The following CSMD1 variants were observed in gnomAD, a reference collection of about 807,000 sequenced individuals.
CSMD1 encodes the protein CUB and sushi domain-containing protein 1.
Under a neutral mutation model 417.5 loss-of-function variants are expected in CSMD1, and 213 were observed. That is an observed-to-expected ratio of 0.51 (90% CI 0.46 to 0.57). The LOEUF (loss-of-function observed/expected upper bound fraction) is 0.57. Among genes scored for constraint, CSMD1 ranks in the 20% least tolerant of loss-of-function variants. The pLI is 0.00. For missense variants in CSMD1, 6,923 were observed against 4,529.7 expected (o/e 1.53, Z -15.17); for synonymous variants, 2,862 against 1,736.8 (o/e 1.65, Z -16.11).
chr8:3,399,147 C>A (rs575530249), intron 16 of CSMD1, among the ~76,000 whole-genome samples: 3 of 152,232 alleles, frequency 2.0e-5, no homozygotes, highest in Non-Finnish European at 2.9e-5. Flanking sequence ...GGTCGGACCT[C>A]GGGAATGGTC....
intron 1 of CSMD1, among the ~76,000 whole-genome samples, chr8:4,722,208 T>C (rs1809104345): frequency 6.6e-6 from 1 of 152,160 alleles, no homozygotes; most frequent in Non-Finnish European, 1.5e-5. Context: ...ATTAAATATA[T>C]TAAATATATT....
intron 54 of CSMD1, among the ~76,000 whole-genome samples, chr8:2,997,355 C>T (rs555295658): frequency 3.9e-5 from 6 of 152,186 alleles, no homozygotes; most frequent in Non-Finnish European, 8.8e-5. Flanking sequence ...AGATAGCTCC[C>T]GTGGGAGCCC....
chr8:3,480,518 T>C (rs764999733), intron 11 of CSMD1, among the ~76,000 whole-genome samples: 2 of 152,168 alleles, frequency 1.3e-5, no homozygotes, highest in Non-Finnish European at 2.9e-5. Context: ...GTTGAAATTA[T>C]TTAAAAAAAT....
chr8:3,725,422 C>G (rs143291183), intron 6 of CSMD1, among the ~76,000 whole-genome samples: 1 of 152,226 alleles, frequency 6.6e-6, no homozygotes, highest in Non-Finnish European at 1.5e-5. Context: ...TAAAAGGAAG[C>G]AGAGATTTGG....
At chr8:3,166,247 T>G (rs932777870) in intron 37 of CSMD1, among the ~76,000 whole-genome samples, 4 of 152,156 alleles carry the variant, frequency 2.6e-5, no homozygotes. Flanking sequence ...TCATGTCTGT[T>G]AGGCTGGGCA....
intron 2 of CSMD1, among the ~76,000 whole-genome samples, chr8:4,621,290 G>T (rs1053348586): frequency 4.9e-4 from 75 of 152,030 alleles, no homozygotes; most frequent in African/African-American, 1.8e-3. Flanking sequence ...ATATTTTAAA[G>T]TATATATGCA....
At chr8:4,817,135 C>A (rs954427187) in intron 1 of CSMD1, among the ~76,000 whole-genome samples, 55 of 152,154 alleles carry the variant, frequency 3.6e-4, no homozygotes, top group African/African-American at 1.3e-3. Flanking sequence ...AAATACATAT[C>A]ATAATATTTA....
chr8:3,808,660 T>C (rs1386446088), intron 5 of CSMD1, among the ~76,000 whole-genome samples: 1 of 152,054 alleles, frequency 6.6e-6, no homozygotes, highest in African/African-American at 2.4e-5. Context: ...GGGACTTAGG[T>C]CTTGTTTGTA....
chr8:3,418,881 G>A (rs73657886), intron 12 of CSMD1, among the ~76,000 whole-genome samples: 2,860 of 152,190 alleles, frequency 0.019, 56 homozygotes, highest in East Asian at 0.096. Flanking sequence ...CATAGAAAAC[G>A]AATACAACAG....
chr8:4,471,904 T>C (rs1395356828), intron 2 of CSMD1, among the ~76,000 whole-genome samples: 1 of 152,084 alleles, frequency 6.6e-6, no homozygotes, highest in South Asian at 2.1e-4. Flanking sequence ...TACAAAGGTG[T>C]TTCCAATGAT....
chr8:3,100,206 C>A (rs1190173122), intron 46 of CSMD1, among the ~76,000 whole-genome samples: 1 of 152,074 alleles, frequency 6.6e-6, no homozygotes, highest in African/African-American at 2.4e-5. Flanking sequence ...CGCACACCAC[C>A]CCTCCTGGCT....
At chr8:4,339,657 A>G (rs889130270) in intron 3 of CSMD1, among the ~76,000 whole-genome samples, 2 of 152,144 alleles carry the variant, frequency 1.3e-5, no homozygotes, top group African/African-American at 2.4e-5. Context: ...AGATGATTCA[A>G]TATGTTATGT....
At chr8:3,442,367 C>G (rs1358159327) in intron 12 of CSMD1, among the ~76,000 whole-genome samples, 3 of 152,190 alleles carry the variant, frequency 2.0e-5, no homozygotes, top group East Asian at 3.9e-4. Context: ...CACTCACTCA[C>G]TGACTCACCC....
At chr8:4,196,996 A>C (rs184434223) in intron 3 of CSMD1, among the ~76,000 whole-genome samples, 1 of 152,120 alleles carries the variant, frequency 6.6e-6, no homozygotes, top group Non-Finnish European at 1.5e-5. Context: ...TATCTATTCT[A>C]CGCTTTCTAT....
chr8:3,842,060 A>C (rs1320430866), intron 5 of CSMD1, among the ~76,000 whole-genome samples: 1 of 152,352 alleles, frequency 6.6e-6, no homozygotes, highest in Non-Finnish European at 1.5e-5. Context: ...TAATTCTGAT[A>C]GTTAATAAAA....
chr8:3,129,174 A>G (rs367832770), intron 41 of CSMD1, among the ~76,000 whole-genome samples: 255 of 152,296 alleles, frequency 1.7e-3, no homozygotes, highest in African/African-American at 5.6e-3. Context: ...TGCAGGACAA[A>G]TATTTCCAGA....
chr8:4,259,639 A>G (rs922228961), intron 3 of CSMD1, among the ~76,000 whole-genome samples: 2 of 152,134 alleles, frequency 1.3e-5, no homozygotes, highest in Admixed American at 6.6e-5. Context: ...GTCCTTACCC[A>G]AAACAATGCC....
chr8:4,858,137 C>T (rs1426231081), intron 1 of CSMD1, among the ~76,000 whole-genome samples: 4 of 150,270 alleles, frequency 2.7e-5, no homozygotes, highest in African/African-American at 9.8e-5. Flanking sequence ...TGTAATCCAG[C>T]ATATAAACAG....
intron 1 of CSMD1, among the ~76,000 whole-genome samples, chr8:4,762,529 C>T (rs1449364065): frequency 2.0e-5 from 3 of 152,002 alleles, no homozygotes; most frequent in Admixed American, 6.6e-5. Flanking sequence ...TCCTAAAAAA[C>T]ATCAAAAAAG....
Sources: gnomAD v4.1 joint callset for allele counts (sites outside exome capture counted in the v4.1 genomes callset) on GRCh38, gnomAD v4.1.1 for gene constraint, MANE v1.5 for transcripts, NCBI Gene and HGNC (gene_info 2026-07-23, HGNC 2026-07-21) for gene names.